LINGO2: variants seen among roughly 807,000 people sequenced by gnomAD.
The protein encoded by LINGO2 is leucine rich repeat and Ig domain containing 2.
In LINGO2, 14 loss-of-function variants were observed where a neutral mutation model predicts 30.6. That is an observed-to-expected ratio of 0.46 (90% CI 0.30 to 0.72). The LOEUF is 0.72. Ranked by LOEUF, LINGO2 falls within the 30% of genes least tolerant of loss-of-function variation. The probability of loss-of-function intolerance (pLI) is 0.07; values close to 1 mark genes in which losing one functional copy is unlikely to be tolerated. For synonymous variants in LINGO2, 317 were observed against 288.5 expected (o/e 1.10, Z -1.00); for missense variants, 729 against 751.7 (o/e 0.97, Z 0.35).
chr9:28,017,033 A>AT (rs1822875066), intron 4 of LINGO2, among the ~76,000 whole-genome samples: 1 of 152,188 alleles, frequency 6.6e-6, no homozygotes, highest in Admixed American at 6.5e-5. Context: ...AGGTTGGTTC[A>AT]ACATACATAC....
At chr9:28,235,623 C>T (rs1027968647) in intron 4 of LINGO2, among the ~76,000 whole-genome samples, 4 of 152,074 alleles carry the variant, frequency 2.6e-5, no homozygotes, top group Non-Finnish European at 4.4e-5. Context: ...AGAATTCTAC[C>T]AGATAAATTT....
chr9:28,266,177 G>A (rs1822743767), intron 4 of LINGO2, among the ~76,000 whole-genome samples: 1 of 151,906 alleles, frequency 6.6e-6, no homozygotes, highest in African/African-American at 2.4e-5. Context: ...AGTGAAATGA[G>A]ACACAAAGAT....
the LINGO2 span, among the ~76,000 whole-genome samples, chr9:29,179,528 C>G: frequency 6.6e-6 from 1 of 151,526 alleles, no homozygotes; most frequent in Non-Finnish European, 1.5e-5. Flanking sequence ...CCTCAGCTTC[C>G]CCAGGAGCTG....
intron 4 of LINGO2, among the ~76,000 whole-genome samples, chr9:28,126,651 G>T (rs1344009174): frequency 1.3e-5 from 2 of 152,216 alleles, no homozygotes; most frequent in Non-Finnish European, 2.9e-5. Flanking sequence ...CATACAATTA[G>T]AGGCTTATGA....
rs1343246092 is a variant in LINGO2, at chr9:28,084,959, G to A, written c.-86-72554C>T. On this transcript the variant is annotated intron_variant, in intron 4 of 5. Transcript: ENST00000379992. ...CACATTGGCCTAGTTCAAAATTATA[G>A]CTACCATGAATTGCTATATAAGGTA... is the stretch of plus-strand genomic sequence containing the variant. Among the ~76,000 whole-genome samples, 4 of 152,226 alleles carry A rather than the reference G, an allele frequency of 2.6e-5. No individual in the cohort carries two copies. The East Asian group carries it at 7.7e-4, about 29-fold the overall frequency.
intron 1 of LINGO2, among the ~76,000 whole-genome samples, chr9:28,491,143 T>C (rs984976593): frequency 6.6e-6 from 1 of 152,200 alleles, no homozygotes; most frequent in African/African-American, 2.4e-5. Flanking sequence ...ACAGCACAAA[T>C]GTATTTTCTT....
At chr9:28,946,220 A>G in the LINGO2 span, among the ~76,000 whole-genome samples, 2 of 152,192 alleles carry the variant, frequency 1.3e-5, no homozygotes, top group Non-Finnish European at 2.9e-5. Flanking sequence ...CTTGATCACT[A>G]CTTCAAAGTA....
intron 4 of LINGO2, among the ~76,000 whole-genome samples, chr9:28,167,873 G>A (rs1289469541): frequency 6.6e-6 from 1 of 152,196 alleles, no homozygotes; most frequent in African/African-American, 2.4e-5. Flanking sequence ...CAAACAATTC[G>A]ATTGGGCACA....
the LINGO2 span, among the ~76,000 whole-genome samples, chr9:28,708,507 C>T: frequency 2.0e-5 from 3 of 152,166 alleles, no homozygotes; most frequent in South Asian, 6.2e-4. Flanking sequence ...GTTGACTGTA[C>T]TATGAATAAT....
chr9:29,104,772 A>G, the LINGO2 span, among the ~76,000 whole-genome samples: 1 of 152,212 alleles, frequency 6.6e-6, no homozygotes, highest in East Asian at 1.9e-4. Context: ...AACTTCTATC[A>G]TATGAAATCT....
the LINGO2 span, among the ~76,000 whole-genome samples, chr9:28,789,487 A>G: frequency 2.6e-5 from 4 of 152,058 alleles, no homozygotes; most frequent in East Asian, 5.8e-4. Context: ...CCTCATCTCT[A>G]TCTCTAGGAA....
intron 4 of LINGO2, among the ~76,000 whole-genome samples, chr9:28,192,435 A>T (rs530602502): frequency 6.6e-6 from 1 of 152,236 alleles, no homozygotes; most frequent in South Asian, 2.1e-4. Context: ...CAAATCACTG[A>T]TGCCGTGCCT....
At chr9:28,617,160 T>C (rs1826165847) in intron 1 of LINGO2, among the ~76,000 whole-genome samples, 1 of 152,290 alleles carries the variant, frequency 6.6e-6, no homozygotes, top group Non-Finnish European at 1.5e-5. Context: ...ATTAAAACCA[T>C]CTTTTCACAC....
chr9:28,237,265 T>G (rs1821607523), intron 4 of LINGO2, among the ~76,000 whole-genome samples: 1 of 151,614 alleles, frequency 6.6e-6, no homozygotes, highest in Non-Finnish European at 1.5e-5. Flanking sequence ...AACCTCAAAT[T>G]GAAAAAGCAT....
Position 28,650,090 on chromosome 9 carries a change from G to A in LINGO2, c.-365+20110C>T, listed in dbSNP as rs1051982233. On this transcript the variant is annotated intron_variant, in intron 1 of 5. Coordinates refer to ENST00000379992, the Ensembl canonical transcript of LINGO2. The stretch of plus-strand genomic sequence containing the variant: ...GAGGTAGCTGTACTAAAGGTCTGAT[G>A]AAGTGACTCACTGAACAGGCAAATA... 9.9e-5 allele frequency among the ~76,000 whole-genome samples: 15 copies of A among 151,612 alleles called. 1 individual carries two copies. The highest frequency in any genetic ancestry group is 3.4e-4 in the African/African-American group (14 of 41,418).
intron 4 of LINGO2, among the ~76,000 whole-genome samples, chr9:28,046,450 C>T (rs1310483644): frequency 7.9e-5 from 12 of 152,260 alleles, no homozygotes; most frequent in South Asian, 4.1e-4. Flanking sequence ...TTGGTGGACG[C>T]TACTGGTCCT....
chr9:28,284,289 T>C (rs1412868712), intron 4 of LINGO2, among the ~76,000 whole-genome samples: 1 of 152,182 alleles, frequency 6.6e-6, no homozygotes, highest in African/African-American at 2.4e-5. Flanking sequence ...CCCACTGTAG[T>C]TTTCCCATTT....
chr9:28,992,058 G>A, the LINGO2 span, among the ~76,000 whole-genome samples: 9 of 152,276 alleles, frequency 5.9e-5, no homozygotes, highest in East Asian at 1.7e-3. Context: ...CCAATTAAAA[G>A]ACACAGACTG....
intron 4 of LINGO2, among the ~76,000 whole-genome samples, chr9:28,142,810 T>C (rs1332480135): frequency 6.6e-6 from 1 of 152,200 alleles, no homozygotes; most frequent in African/African-American, 2.4e-5. Context: ...GTTTGCCAAG[T>C]AAACCTCTAC....
Sources: gnomAD v4.1 joint callset for allele counts (sites outside exome capture counted in the v4.1 genomes callset) on GRCh38, gnomAD v4.1.1 for gene constraint, MANE v1.5 for transcripts, NCBI Gene and HGNC (gene_info 2026-07-23, HGNC 2026-07-21) for gene names.